ZBED4: variants seen among roughly 807,000 people sequenced by gnomAD.
The protein encoded by ZBED4 is zinc finger BED-type containing 4.
A neutral mutation model predicts 15.5 loss-of-function variants in ZBED4; 4 were observed. That is an observed-to-expected ratio of 0.26 (90% confidence interval 0.13 to 0.59). ZBED4 has a LOEUF of 0.59. Ranked by LOEUF, ZBED4 falls within the 20% of genes least tolerant of loss-of-function variation. ZBED4 has a pLI of 0.90. For synonymous variants in ZBED4, 692 were observed against 608.5 expected, an observed-to-expected ratio of 1.14 and a Z score of -2.02; for missense variants, 1,323 against 1,461.8, an observed-to-expected ratio of 0.91 and a Z score of 1.55.
chr22:49,861,069 C>G (rs1262258095), intron 1 of ZBED4, among the ~76,000 whole-genome samples: 1 of 151,932 alleles, frequency 6.6e-6, no homozygotes, highest in Admixed American at 6.6e-5. Context: ...AGCCACCATG[C>G]CCGGCCTAGG....
In ZBED4 at chr22:49,886,663, C is replaced by A. The variant is rs757194437; in HGVS notation, c.3001C>A (p.Arg1001=). The A allele has an allele frequency of 1.2e-6, 2 of 1,608,726 alleles. No homozygotes were observed. Among genetic ancestry groups the A allele is most frequent in the East Asian group, 2.2e-5 (1 of 44,838 alleles). ...SRLSATLHDP[R]YVFATLLDPR... is the part of the protein sequence containing the mutation. ...CCTGTCTGCCACCCTCCACGACCCG[C>A]GGTACGTCTTCGCCACGCTGCTGGA... Residue 1001 remains arginine (R), a synonymous_variant, in exon 2 of 2, where the codon CGG becomes AGG. Transcript: ENST00000216268. The surrounding 1 kb of genome is among the most constrained non-coding windows in gnomAD (Gnocchi z 7.7).
intron 1 of ZBED4, among the ~76,000 whole-genome samples, chr22:49,863,283 C>T (rs2060305749): frequency 6.6e-6 from 1 of 152,120 alleles, no homozygotes; most frequent in South Asian, 2.1e-4. Context: ...CCTCAGCCTC[C>T]CTAATAACTG....
rs560097052 is a variant in ZBED4, at chr22:49,886,508, C to T, written c.2846C>T (p.Thr949Met). ...PFEAASREMS[T>M]QMSTLSQVIP... ...GAGGCTGCGAGCCGGGAGATGAGCA[C>T]GCAGATGTCCACCCTCAGCCAGGTC... The change falls in exon 2 of 2, where the codon ACG (threonine) becomes ATG (methionine). Residue 949 changes from threonine to methionine, a missense_variant. This residue lies in a region of ZBED4 where 312 missense variants were observed against 410.7 expected (regional missense o/e 0.76). Coordinates refer to ENST00000216268, the MANE Select transcript of ZBED4 (RefSeq NM_014838.3). The surrounding 1 kb of genome is among the most constrained non-coding windows in gnomAD (Gnocchi z 7.7). The T allele has an allele frequency of 1.2e-4, 192 of 1,568,110 alleles. No individual in the cohort carries two copies. Among genetic ancestry groups the T allele is most frequent in the East Asian group, 4.0e-4 (18 of 44,528 alleles).
Position 49,884,434 on chromosome 22 carries a change from C to T in ZBED4, c.772C>T (p.Leu258Phe). Residue 258 changes from leucine to phenylalanine, a missense_variant, in exon 2 of 2, where the codon CTC becomes TTC. Physicochemically the swap from Leu to Phe is conservative, Grantham distance 22. Coordinates refer to ENST00000216268, the MANE Select transcript of ZBED4 (RefSeq NM_014838.3). ...EEALVGSSPH[L>F]PALHYDEPAE... The stretch of plus-strand genomic sequence containing the variant: ...AGCCCTGGTGGGGTCGTCTCCCCAC[C>T]TCCCTGCTCTCCATTACGATGAACC... The T allele has an allele frequency of 6.2e-7, 1 of 1,614,116 alleles. No individual in the cohort carries two copies. Among genetic ancestry groups the T allele is most frequent in the Non-Finnish European group, 8.5e-7 (1 of 1,179,982 alleles).
Position 49,885,956 on chromosome 22 carries a change from A to G in ZBED4, c.2294A>G (p.His765Arg), listed in dbSNP as rs2060436336. 5.5e-6 allele frequency: 4 copies of G among 728,892 alleles called. No homozygotes were observed. Among genetic ancestry groups the G allele is most frequent in the Middle Eastern group, 2.5e-4 (1 of 4,080 alleles). The allele number at this position is 728,892 out of a possible 1,614,324, so 45.2% of individuals were successfully genotyped here. ...GCCCGGCCGCGCTGTGACGACCACCACTGCTCGGCGCTGTTGGACGTGTCG... is the reference window on the plus strand; with the variant it reads ...GCCCGGCCGCGCTGTGACGACCACCGCTGCTCGGCGCTGTTGGACGTGTCG... ...SPARPRCDDH[H>R]CSALLDVSQV... is the part of the protein sequence containing the mutation. The change falls in exon 2 of 2, where the codon CAC becomes CGC. Residue 765 changes from histidine (H) to arginine (R), a missense_variant. By Grantham distance (29) the His-to-Arg change is conservative. Around this residue, in one of 6 missense-constraint regions of ZBED4, gnomAD observed 100 missense variants for 79.3 expected, o/e 1.26. Coordinates refer to ENST00000216268, the MANE Select transcript of ZBED4 (RefSeq NM_014838.3).
chr22:49,860,453 C>G (rs2060291861), intron 1 of ZBED4, among the ~76,000 whole-genome samples: 1 of 152,148 alleles, frequency 6.6e-6, no homozygotes, highest in African/African-American at 2.4e-5. Flanking sequence ...AATTACAATA[C>G]CACTCCTGTA....
intron 1 of ZBED4, among the ~76,000 whole-genome samples, chr22:49,857,485 C>T (rs140117077): frequency 1.1e-3 from 174 of 152,350 alleles, no homozygotes; most frequent in Non-Finnish European, 1.8e-3. Flanking sequence ...GTTTCCAAGA[C>T]GCCCTTACCT....
intron 1 of ZBED4, among the ~76,000 whole-genome samples, chr22:49,876,760 C>T (rs1009934059): frequency 6.6e-6 from 1 of 151,964 alleles, no homozygotes; most frequent in African/African-American, 2.4e-5. Context: ...TCGAGTATAT[C>T]GACTTTGGAA....
rs755339556 is a variant in ZBED4, at chr22:49,884,783, C to T, written c.1121C>T (p.Ser374Leu). The change falls in exon 2 of 2, where the codon TCG becomes TTG. Residue 374 changes from serine to leucine, a missense_variant. Transcript: ENST00000216268. ...GAGGGGGAGCTCAGCTCTGTGTCCTCGTCTCCAGTAAAGCCGGTCAGAGAG... is the reference window on the plus strand; with the variant it reads ...GAGGGGGAGCTCAGCTCTGTGTCCTTGTCTCCAGTAAAGCCGGTCAGAGAG... ...PPEGELSSVS[S>L]SPVKPVRESP... The T allele has an allele frequency of 1.7e-5, 27 of 1,607,292 alleles. No homozygotes were observed. The highest frequency in any genetic ancestry group is 1.7e-4 in the Middle Eastern group (1 of 6,052).
chr22:49,867,398 G>A (rs1028354096), intron 1 of ZBED4, among the ~76,000 whole-genome samples: 37 of 152,310 alleles, frequency 2.4e-4, no homozygotes, highest in South Asian at 6.2e-4. Flanking sequence ...GAGGCACTGC[G>A]GTGCATCCAC....
In ZBED4 at chr22:49,889,401, CTGTT is replaced by C. The variant is rs1290181676; in HGVS notation, c.*2226_*2229del. The C allele has an allele frequency of 2.4e-5, 4 of 163,480 alleles. No homozygotes were observed. The highest frequency in any genetic ancestry group is 4.5e-5 in the Non-Finnish European group (3 of 66,622). 10.1% of individuals were successfully genotyped at this position (163,480 alleles called of 1,614,324 possible). The stretch of plus-strand genomic sequence containing the variant: ...GGACAAACAGGGCTGAAAATACTCA[CTGTT>C]TGGCCCTTTCCAGAATAGCAAGTTT... On this transcript the variant is annotated 3_prime_UTR_variant, in exon 2 of 2. Transcript: ENST00000216268.
At position 49,884,001 on chromosome 22, in the gene ZBED4, C is replaced by A; in HGVS notation, c.339C>A (p.Ser113Arg). Residue 113 changes from serine (S) to arginine (R), a missense_variant, in exon 2 of 2, where the codon AGC (serine) becomes AGA (arginine). Ser to Arg is a moderately radical substitution (Grantham distance 110). Around this residue, in one of 6 missense-constraint regions of ZBED4, gnomAD observed 380 missense variants for 413.7 expected, o/e 0.92. Coordinates refer to ENST00000216268, the MANE Select transcript of ZBED4 (RefSeq NM_014838.3). The stretch of plus-strand genomic sequence containing the variant: ...GCCTCCTTTCCAGCCGGAACATGAG[C>A]TCCAGGAAGAAGTCTCCAGCCTGGA... ...TQSLLSSRNMSSRKKSPAWKH... is the reference protein window; with the variant it reads ...TQSLLSSRNMRSRKKSPAWKH... The A allele has an allele frequency of 6.2e-7, 1 of 1,611,980 alleles. No individual in the cohort carries two copies. Among genetic ancestry groups the A allele is most frequent in the Admixed American group, 1.7e-5 (1 of 59,306 alleles).
Position 49,884,265 on chromosome 22 carries a change from C to T in ZBED4, c.603C>T (p.Thr201=). Residue 201 remains threonine (T), a synonymous_variant, in exon 2 of 2, where the codon ACC becomes ACT. Coordinates refer to ENST00000216268, the MANE Select transcript of ZBED4 (RefSeq NM_014838.3). The part of the protein sequence containing the change: ...PQPADAGDLS[T]ILSPIKLVQK... ...CTGCGGACGCGGGTGACCTCAGCAC[C>T]ATCCTCTCACCCATCAAACTTGTCC... is the stretch of plus-strand genomic sequence containing the variant. 6.2e-7 allele frequency: 1 copy of T among 1,610,200 alleles called. No homozygotes were observed. The highest frequency in any genetic ancestry group is 8.5e-7 in the Non-Finnish European group (1 of 1,177,954).
At chr22:49,872,078 A>T (rs572501556) in intron 1 of ZBED4, among the ~76,000 whole-genome samples, 2 of 152,186 alleles carry the variant, frequency 1.3e-5, no homozygotes, top group African/African-American at 2.4e-5. Flanking sequence ...GAAGTTTGCT[A>T]CATCGATTAA....
chr22:49,872,583 G>T (rs2060353790), intron 1 of ZBED4, among the ~76,000 whole-genome samples: 1 of 152,202 alleles, frequency 6.6e-6, no homozygotes, highest in African/African-American at 2.4e-5. Flanking sequence ...AGGCTAAAGT[G>T]CAGTGTCACG....
At chr22:49,865,515 C>T (rs1306539554) in intron 1 of ZBED4, among the ~76,000 whole-genome samples, 12 of 151,798 alleles carry the variant, frequency 7.9e-5, no homozygotes, top group Non-Finnish European at 1.2e-4. Flanking sequence ...AATAATAACC[C>T]GTCTCTATTA....
Position 49,885,123 on chromosome 22 carries a change from G to C in ZBED4, c.1461G>C (p.Gly487=), listed in dbSNP as rs1277253513. The change falls in exon 2 of 2, where the codon GGG becomes GGC. Residue 487 remains glycine, a synonymous_variant. Transcript: ENST00000216268. The part of the protein sequence containing the change: ...CRYCGCAISR[G]KKGDVGTSCL... ...ACTGCGGCTGTGCCATCAGCCGGGG[G>C]AAGAAGGGTGATGTGGGCACCAGCT... The C allele has an allele frequency of 6.8e-6, 11 of 1,614,120 alleles. No homozygotes were observed. In the Admixed American group the frequency reaches 1.8e-4, roughly 27 times the overall value.
At chr22:49,878,625 G>A (rs1023117362) in intron 1 of ZBED4, among the ~76,000 whole-genome samples, 1 of 152,192 alleles carries the variant, frequency 6.6e-6, no homozygotes, top group African/African-American at 2.4e-5. Context: ...CAACACAGAA[G>A]AAAGTCTTTG....
At chr22:49,862,245 C>T (rs986815627) in intron 1 of ZBED4, among the ~76,000 whole-genome samples, 1 of 152,148 alleles carries the variant, frequency 6.6e-6, no homozygotes, top group South Asian at 2.1e-4. Flanking sequence ...ACGCTTCTGC[C>T]GCAAAGTCGC....
Sources: allele counts gnomAD v4.1 joint callset (sites outside exome capture counted in the v4.1 genomes callset), GRCh38; gene constraint gnomAD v4.1.1; regional missense constraint gnomAD v4.1.1; non-coding constraint Gnocchi (gnomAD v3.1); transcripts MANE v1.5; gene names NCBI Gene and HGNC (gene_info 2026-07-23, HGNC 2026-07-21).